CNTLN: variants seen among roughly 807,000 people sequenced by gnomAD.
The protein encoded by CNTLN is centlein, also known as centlein, centrosomal protein.
A neutral mutation model predicts 180.0 loss-of-function variants in CNTLN; 212 were observed. The ratio of observed to expected loss-of-function variants is 1.18; its 90% CI spans 1.05 to 1.32. The LOEUF is 1.32. CNTLN is among the 40% of genes most tolerant of loss of function. The pLI, the probability that CNTLN is intolerant of heterozygous loss-of-function variation, is 0.00. For missense variants in CNTLN, 2,095 were observed against 1,610.9 expected (o/e 1.30, Z -5.14); for synonymous variants, 722 against 563.1 (o/e 1.28, Z -3.99).
At chr9:17,522,250 TC>T in the CNTLN span, among the ~76,000 whole-genome samples, 1 of 151,964 alleles carries the variant, frequency 6.6e-6, no homozygotes, top group South Asian at 2.1e-4. Context: ...CTTCCCTCCA[TC>T]CATACAATTT....
At chr9:17,348,455 A>C (rs1329337437) in intron 12 of CNTLN, among the ~76,000 whole-genome samples, 1 of 151,866 alleles carries the variant, frequency 6.6e-6, no homozygotes, top group Admixed American at 6.6e-5. Flanking sequence ...CATTGCATCG[A>C]GAGAGTTTGA....
At chr9:17,272,960 C>G (rs1828053088) in intron 5 of CNTLN, among the ~76,000 whole-genome samples, 1 of 151,670 alleles carries the variant, frequency 6.6e-6, no homozygotes, top group Non-Finnish European at 1.5e-5. Flanking sequence ...GTTTATAAAC[C>G]TTTGTTATTT....
intron 1 of CNTLN, among the ~76,000 whole-genome samples, chr9:17,139,140 T>C (rs140866677): frequency 1.4e-3 from 214 of 152,242 alleles, no homozygotes; most frequent in African/African-American, 4.9e-3. Context: ...CAGGCTGGGG[T>C]GCAGTGGTGC....
At chr9:17,347,242 A>C (rs918607977) in intron 12 of CNTLN, among the ~76,000 whole-genome samples, 1 of 152,116 alleles carries the variant, frequency 6.6e-6, no homozygotes, top group Non-Finnish European at 1.5e-5. Context: ...TCATCCTTTG[A>C]TTATAGATTT....
At chr9:17,279,370 C>T (rs547571113) in intron 6 of CNTLN, among the ~76,000 whole-genome samples, 44 of 152,232 alleles carry the variant, frequency 2.9e-4, no homozygotes, top group African/African-American at 9.9e-4. Context: ...TTACCAGGGC[C>T]TTCCCTATTG....
chr9:17,154,028 A>G (rs1279444364), intron 2 of CNTLN, among the ~76,000 whole-genome samples: 1 of 152,006 alleles, frequency 6.6e-6, no homozygotes, highest in Non-Finnish European at 1.5e-5. Flanking sequence ...TCTTCTCTAC[A>G]TTGGTTATTC....
chr9:17,490,783 G>GA (rs556145645), intron 25 of CNTLN, among the ~76,000 whole-genome samples: 6 of 151,332 alleles, frequency 4.0e-5, no homozygotes, highest in Non-Finnish European at 8.9e-5. Context: ...ATTACAAAAA[G>GA]AAAAAAAAGA....
intron 10 of CNTLN, among the ~76,000 whole-genome samples, chr9:17,337,171 G>C (rs1460197644): frequency 6.6e-6 from 1 of 151,734 alleles, no homozygotes; most frequent in African/African-American, 2.4e-5. Flanking sequence ...TTTTTTTCTT[G>C]TAAATTTGTT....
chr9:17,287,502 C>G (rs1220885005), intron 6 of CNTLN, among the ~76,000 whole-genome samples: 1 of 151,154 alleles, frequency 6.6e-6, no homozygotes, highest in African/African-American at 2.4e-5. Context: ...GCTTTGGTAT[C>G]AGAATGATGC....
intron 15 of CNTLN, among the ~76,000 whole-genome samples, chr9:17,398,618 T>G (rs7038186): frequency 0.45 from 68,419 of 152,064 alleles, 16,992 homozygotes; most frequent in Non-Finnish European, 0.56. Context: ...TTTCAGCTAG[T>G]TCTTTTATCT....
intron 12 of CNTLN, among the ~76,000 whole-genome samples, chr9:17,363,634 C>T (rs1342598939): frequency 2.0e-5 from 3 of 151,708 alleles, no homozygotes; most frequent in African/African-American, 4.8e-5. Flanking sequence ...CTAGCTGTAT[C>T]CTCCTACAAT....
At chr9:17,234,370 G>T (rs1228234430) in intron 3 of CNTLN, among the ~76,000 whole-genome samples, 1 of 152,044 alleles carries the variant, frequency 6.6e-6, no homozygotes, top group East Asian at 1.9e-4. Context: ...TTGAGTCCAG[G>T]AGTTCGAGGC....
intron 13 of CNTLN, among the ~76,000 whole-genome samples, chr9:17,369,177 A>T (rs1348006245): frequency 6.6e-6 from 1 of 151,952 alleles, no homozygotes; most frequent in African/African-American, 2.4e-5. Context: ...ATGAAATCTG[A>T]TGGTTTTGTA....
chr9:17,248,534 T>G (rs1233857360), intron 5 of CNTLN, among the ~76,000 whole-genome samples: 5 of 137,960 alleles, frequency 3.6e-5, no homozygotes, highest in South Asian at 2.3e-4. Flanking sequence ...ATATTTATAA[T>G]TATAAATATA....
chr9:17,363,319 A>G (rs557108774), intron 12 of CNTLN, among the ~76,000 whole-genome samples: 11 of 152,296 alleles, frequency 7.2e-5, no homozygotes, highest in African/African-American at 2.6e-4. Flanking sequence ...CAATGGTTGA[A>G]CTAATTTACA....
chr9:17,252,494 T>A (rs1826205416), intron 5 of CNTLN, among the ~76,000 whole-genome samples: 3 of 151,788 alleles, frequency 2.0e-5, no homozygotes, highest in African/African-American at 7.2e-5. Context: ...TCCTGATGAT[T>A]AATGATGCTG....
At chr9:17,307,883 A>G (rs1818830267) in intron 7 of CNTLN, among the ~76,000 whole-genome samples, 1 of 152,034 alleles carries the variant, frequency 6.6e-6, no homozygotes. Context: ...GAGCAAACCT[A>G]AAAACTTACC....
chr9:17,446,455 T>TA (rs2134081164), intron 18 of CNTLN, among the ~76,000 whole-genome samples: 1 of 152,330 alleles, frequency 6.6e-6, no homozygotes, highest in Non-Finnish European at 1.5e-5. Flanking sequence ...TGATGATCTT[T>TA]AGCCTTTGAC....
intron 5 of CNTLN, among the ~76,000 whole-genome samples, chr9:17,261,996 A>G (rs774040076): frequency 2.6e-5 from 4 of 151,690 alleles, no homozygotes; most frequent in Admixed American, 6.6e-5. Context: ...AGTAGTCATT[A>G]GAGAAATGCA....
Sources: gnomAD v4.1 joint callset for allele counts (sites outside exome capture counted in the v4.1 genomes callset) on GRCh38, gnomAD v4.1.1 for gene constraint, MANE v1.5 for transcripts, NCBI Gene and HGNC (gene_info 2026-07-23, HGNC 2026-07-21) for gene names.